KARS1: variants seen among roughly 807,000 people sequenced by gnomAD.
KARS1 encodes the protein lysine--tRNA ligase.
Under a neutral mutation model 63.9 loss-of-function variants are expected in KARS1, and 50 were observed. That is an observed-to-expected ratio of 0.78 (90% CI 0.62 to 0.99). The LOEUF is 0.99. Among genes scored for constraint, KARS1 ranks in the 50% least tolerant of loss-of-function variants. The probability of loss-of-function intolerance (pLI) is 0.00; values close to 1 mark genes in which losing one functional copy is unlikely to be tolerated. For synonymous variants in KARS1, 320 were observed against 264.6 expected, an observed-to-expected ratio of 1.21 and a Z score of -2.03; for missense variants, 816 against 754.5, an observed-to-expected ratio of 1.08 and a Z score of -0.95.
At chr16:75,631,909 T>C (rs752425457) in intron 7 of KARS1, 54 bp from the exon 8 acceptor site, 110 of 1,603,016 alleles carry the variant, frequency 6.9e-5, no homozygotes, top group Non-Finnish European at 8.4e-5. Context: ...TTTTTTGAGA[T>C]GGAGTTTTGC....
chr16:75,637,361 C>G (rs1453493734), intron 3 of KARS1, among the ~76,000 whole-genome samples: 1 of 151,876 alleles, frequency 6.6e-6, no homozygotes, highest in Non-Finnish European at 1.5e-5. Flanking sequence ...TGGAAAGCCC[C>G]CAAATGGCCA....
chr16:75,644,420 C>T lies in KARS1; in HGVS notation c.63-2697G>A, dbSNP rs563566087. The T allele has an allele frequency of 8.0e-5, 129 of 1,610,630 alleles. No homozygotes were observed. The highest frequency in any genetic ancestry group is 1.1e-4 in the Non-Finnish European group (125 of 1,178,210). On this transcript the variant is annotated intron_variant, in intron 1 of 13. Transcript: ENST00000302445. ...CCCTAACAAGCCTTACAGCAGCTTG[C>T]GTCAACATGGCAGAGCACCCTGGAA...
At chr16:75,628,841 T>A (rs2082079805) in intron 12 of KARS1, 129 bp from the exon 13 acceptor site, 2 of 972,146 alleles carry the variant, frequency 2.1e-6, no homozygotes, top group East Asian at 2.4e-5. Flanking sequence ...CAGGACTTGC[T>A]GGGAATTCAT....
intron 2 of KARS1, among the ~76,000 whole-genome samples, chr16:75,640,800 C>G (rs1476176019): frequency 1.3e-5 from 2 of 152,212 alleles, no homozygotes; most frequent in Admixed American, 6.5e-5. Context: ...GCCTTTCTCA[C>G]AAAGCTTTTC....
At chr16:75,629,613 T>C in intron 11 of KARS1, 72 bp from the exon 12 acceptor site, 3 of 1,540,628 alleles carry the variant, frequency 1.9e-6, no homozygotes, top group Non-Finnish European at 2.7e-6. Flanking sequence ...TTTTTCTTTT[T>C]TTTTGAGACG....
At position 75,635,696 on chromosome 16, in the gene KARS1, T is replaced by G. The variant is rs899035673; in HGVS notation, c.779A>C (p.Glu260Ala). ...IITYIRSFLD[E>A]LGFLEIETPM... ...TCTCCTTACCTCTAGGAATCCCAGC[T>G]CATCTAAGAAACTTCTTATATATGT... is the stretch of plus-strand genomic sequence containing the variant. Residue 260 changes from glutamate (E) to alanine (A), a missense_variant, in exon 6 of 14, where the codon GAG becomes GCG. Glu to Ala is a moderately radical substitution (Grantham distance 107). Coordinates refer to ENST00000302445, the MANE Select transcript of KARS1 (RefSeq NM_005548.3). 7 of 1,614,024 alleles carry G rather than the reference T, an allele frequency of 4.3e-6. No homozygotes were observed. The highest frequency in any genetic ancestry group is 5.1e-6 in the Non-Finnish European group (6 of 1,180,024).
intron 7 of KARS1, among the ~76,000 whole-genome samples, chr16:75,632,402 G>C (rs996345330): frequency 5.9e-5 from 9 of 152,088 alleles, no homozygotes; most frequent in Non-Finnish European, 2.9e-5. Context: ...CCCCATCATT[G>C]AGTCTGAACC....
Position 75,630,468 on chromosome 16 carries a change from G to C in KARS1, c.1379C>G (p.Thr460Arg), listed in dbSNP as rs749349318. The C allele has an allele frequency of 2.5e-6, 4 of 1,612,044 alleles. No homozygotes were observed. The highest frequency in any genetic ancestry group is 3.4e-6 in the Non-Finnish European group (4 of 1,178,700). Reference sequence around the variant, plus strand: ...TATCTGTGGGTGATCACAGATGAATGTAGGATTGATGCAAGTCACTTCCAG... The same window carrying C: ...TATCTGTGGGTGATCACAGATGAATCTAGGATTGATGCAAGTCACTTCCAG... ...EFLEVTCINP[T>R]FICDHPQIMS... Residue 460 changes from threonine to arginine, a missense_variant, in exon 11 of 14, where the codon ACA becomes AGA. Transcript: ENST00000302445.
intron 6 of KARS1, among the ~76,000 whole-genome samples, chr16:75,634,796 C>T (rs1009819064): frequency 7.9e-5 from 12 of 152,046 alleles, no homozygotes; most frequent in South Asian, 2.1e-4. Flanking sequence ...AGGATGGTCT[C>T]GATCTCCTGA....
At chr16:75,632,927 G>A (rs1372551443) in intron 7 of KARS1, among the ~76,000 whole-genome samples, 1 of 152,178 alleles carries the variant, frequency 6.6e-6, no homozygotes, top group African/African-American at 2.4e-5. Flanking sequence ...ACAGCATTAG[G>A]TCATAGGGTA....
At chr16:75,637,859 G>A (rs1365571181) in intron 3 of KARS1, among the ~76,000 whole-genome samples, 3 of 131,350 alleles carry the variant, frequency 2.3e-5, no homozygotes, top group Non-Finnish European at 3.1e-5. Flanking sequence ...TCCCTTCTAG[G>A]ACAAGACCGT....
intron 1 of KARS1, among the ~76,000 whole-genome samples, chr16:75,642,278 T>G (rs1483892427): frequency 7.1e-6 from 1 of 141,400 alleles, no homozygotes; most frequent in Non-Finnish European, 1.5e-5. Flanking sequence ...CTCAGCTTAC[T>G]GCAATCTCTG....
chr16:75,647,428 G>C (rs1218895973), intron 1 of KARS1, 150 bp downstream of exon 1: 2 of 779,434 alleles, frequency 2.6e-6, no homozygotes, highest in East Asian at 2.7e-5. Flanking sequence ...TACGTGGTCT[G>C]CAGGGCGCAG....
rs1202000365 is a variant in KARS1 at position 75,636,079 on chromosome 16, C to A, written c.502G>T (p.Glu168Ter). 5 of 1,587,890 alleles carry A rather than the reference C, an allele frequency of 3.1e-6. No homozygotes were observed. The highest frequency in any genetic ancestry group is 4.3e-6 in the Non-Finnish European group (5 of 1,156,642). Reference protein sequence around the residue: ...ANSRNYKSEEEFIHINNKLRR... With the variant: ...ANSRNYKSEE ...AGTTTGTTATTAATATGAATAAATT[C>A]TTCTTCTGATTTATAATTTCTGAGT... Residue 168 changes from glutamate (E) to a stop codon, truncating the protein, a stop_gained, in exon 5 of 14, where the codon GAA (glutamate) becomes TAA (stop). Transcript: ENST00000302445. LOFTEE classifies it high-confidence loss of function.
At chr16:75,632,475 C>G (rs1413873391) in intron 7 of KARS1, among the ~76,000 whole-genome samples, 1 of 152,226 alleles carries the variant, frequency 6.6e-6, no homozygotes, top group Non-Finnish European at 1.5e-5. Context: ...CTCCACCAGT[C>G]AGATACACTT....
In KARS1 at chr16:75,628,590, G is replaced by C. The variant is rs143267922; in HGVS notation, c.1674C>G (p.Leu558=). 6 of 1,614,046 alleles carry C rather than the reference G, an allele frequency of 3.7e-6. No homozygotes were observed. The highest frequency in any genetic ancestry group is 5.1e-6 in the Non-Finnish European group (6 of 1,180,018). The change falls in exon 13 of 14, where the codon CTC becomes CTG. Residue 558 remains leucine (L), a synonymous_variant. Transcript: ENST00000302445. The stretch of plus-strand genomic sequence containing the variant: ...GTACCTTGATGTTGTTGGAGTCCGT[G>C]AGAAACATGGCGACTCGATCAATGC... The part of the protein sequence containing the change: ...GMGIDRVAMF[L]TDSNNIKEVL...
chr16:75,629,490 C>A lies in KARS1; in HGVS notation c.1476G>T (p.Lys492Asn), dbSNP rs376962917. The A allele has an allele frequency of 3.7e-6, 6 of 1,614,084 alleles. No homozygotes were observed. In the African/African-American group the frequency reaches 5.3e-5, roughly 14 times the overall value. Reference sequence around the variant, plus strand: ...CAGTATACGCATTGCATATCTCTTTCTTCATGACAAACAGCTCAAAGCGCT... The same window carrying A: ...CAGTATACGCATTGCATATCTCTTTATTCATGACAAACAGCTCAAAGCGCT... ...LTERFELFVM[K>N]KEICNAYTEL... The change falls in exon 12 of 14, where the codon AAG becomes AAT. Residue 492 changes from lysine (K) to asparagine (N), a missense_variant. By Grantham distance (94) the Lys-to-Asn change is moderately conservative. Coordinates refer to ENST00000302445, the MANE Select transcript of KARS1 (RefSeq NM_005548.3).
chr16:75,638,274 T>G (rs1251354397), intron 3 of KARS1, among the ~76,000 whole-genome samples: 1 of 152,114 alleles, frequency 6.6e-6, no homozygotes, highest in Non-Finnish European at 1.5e-5. Flanking sequence ...ACACGCAGAT[T>G]TGTCATATAG....
Position 75,641,546 on chromosome 16 carries a change from G to A in KARS1, c.222+18C>T, listed in dbSNP as rs762820876. 7 of 1,609,722 alleles carry A rather than the reference G, an allele frequency of 4.3e-6. No individual in the cohort carries two copies. Among genetic ancestry groups the A allele is most frequent in the Non-Finnish European group, 5.9e-6 (7 of 1,177,290 alleles). On this transcript the variant is annotated intron_variant, in intron 2 of 13. Transcript: ENST00000302445. ...AGCTTTCCTGTGCCCAACCATGCTG[G>A]TGGCCCAGGGAACTCACATTTGGGT...
Sources: gnomAD v4.1 joint callset for allele counts (sites outside exome capture counted in the v4.1 genomes callset) on GRCh38, gnomAD v4.1.1 for gene constraint, MANE v1.5 for transcripts, NCBI Gene and HGNC (gene_info 2026-07-23, HGNC 2026-07-21) for gene names.